PCDHA9: variants seen among roughly 807,000 people sequenced by gnomAD.
PCDHA9 encodes the protein protocadherin alpha-9.
PCDHA9 carries 62 observed loss-of-function variants against 62.0 expected under a neutral mutation model. The observed-to-expected ratio is 1.00, with a 90% CI of 0.81 to 1.23. The LOEUF is 1.23. Among genes scored for constraint, PCDHA9 ranks in the 50% most tolerant of loss-of-function variants. The pLI, the probability that PCDHA9 is intolerant of heterozygous loss-of-function variation, is 0.00. For missense variants in PCDHA9, 1,205 were observed against 1,249.8 expected (o/e 0.96, Z 0.54); for synonymous variants, 557 against 567.6 (o/e 0.98, Z 0.27).
intron 3 of PCDHA9, among the ~76,000 whole-genome samples, chr5:140,988,599 G>A (rs782117836): frequency 6.6e-6 from 1 of 152,154 alleles, no homozygotes; most frequent in Non-Finnish European, 1.5e-5. Flanking sequence ...TAATGGTCAT[G>A]TAAATAAAAG....
At chr5:140,940,271 T>C (rs1371680526) in intron 1 of PCDHA9, among the ~76,000 whole-genome samples, 1 of 152,228 alleles carries the variant, frequency 6.6e-6, no homozygotes, top group East Asian at 1.9e-4. Context: ...GGTTCCACTG[T>C]TGTCTCATTG....
chr5:140,929,085 G>A, intron 1 of PCDHA9: 1 of 1,614,174 alleles, frequency 6.2e-7, no homozygotes, highest in Non-Finnish European at 8.5e-7. Flanking sequence ...GAAGTAAGAT[G>A]GTTTCAAATC....
chr5:140,876,827 C>A, intron 1 of PCDHA9: 3 of 1,614,182 alleles, frequency 1.9e-6, no homozygotes, highest in South Asian at 1.1e-5. Context: ...AACGACAATG[C>A]GCCTGCGTTC....
intron 1 of PCDHA9, among the ~76,000 whole-genome samples, chr5:140,899,542 G>A (rs2067394532): frequency 6.6e-6 from 1 of 152,156 alleles, no homozygotes; most frequent in Non-Finnish European, 1.5e-5. Flanking sequence ...ACTTGATCAT[G>A]GTGGATAAGC....
intron 1 of PCDHA9, among the ~76,000 whole-genome samples, chr5:140,872,884 T>C (rs1057197501): frequency 2.6e-5 from 4 of 152,238 alleles, no homozygotes; most frequent in Non-Finnish European, 4.4e-5. Flanking sequence ...GTTTCATTCA[T>C]CTCACTTTGT....
At chr5:140,883,126 G>T (rs781992873) in intron 1 of PCDHA9, 1 of 1,614,036 alleles carries the variant, frequency 6.2e-7, no homozygotes, top group Non-Finnish European at 8.5e-7. Context: ...GGCCTGTATG[G>T]CCTGCAGTGG....
chr5:141,005,691 A>G (rs1481537036), intron 3 of PCDHA9, among the ~76,000 whole-genome samples: 1 of 134,408 alleles, frequency 7.4e-6, no homozygotes, highest in Non-Finnish European at 1.6e-5. Flanking sequence ...GACAGAGCGA[A>G]ACTCCGTCTC....
chr5:140,887,954 T>A (rs2061642378), intron 1 of PCDHA9, among the ~76,000 whole-genome samples: 1 of 152,240 alleles, frequency 6.6e-6, no homozygotes, highest in South Asian at 2.1e-4. Context: ...TGTATAAGAT[T>A]CTTTTTGTCT....
chr5:140,928,843 A>T (rs782153694), intron 1 of PCDHA9: 3 of 1,614,018 alleles, frequency 1.9e-6, no homozygotes, highest in Non-Finnish European at 2.5e-6. Flanking sequence ...CTCCTCTGTC[A>T]CTCTGGGTGT....
chr5:140,871,371 G>A (rs948553844), intron 1 of PCDHA9: 1 of 1,614,202 alleles, frequency 6.2e-7, no homozygotes, highest in Non-Finnish European at 8.5e-7. Context: ...GGCGGCAGAG[G>A]GTGTGCTCTG....
intron 1 of PCDHA9, among the ~76,000 whole-genome samples, chr5:140,941,248 T>TTTCTTTC (rs2092963388): frequency 1.4e-5 from 2 of 141,492 alleles, no homozygotes; most frequent in African/African-American, 5.3e-5. Context: ...TCTTTCTTTC[T>TTTCTTTC]TTCTTTCTCT....
rs1004548473 is a variant in PCDHA9 at position 141,011,507 on chromosome 5, G to T, written c.*1570G>T. Reference sequence around the variant, plus strand: ...CCTTTTGTACACCTGTGAAAAAGTGGAGTAGTGTTTTTTTAACCATTGTTA... The same window carrying T: ...CCTTTTGTACACCTGTGAAAAAGTGTAGTAGTGTTTTTTTAACCATTGTTA... On this transcript the variant is annotated 3_prime_UTR_variant, in exon 4 of 4. Transcript: ENST00000532602. 5.2e-5 allele frequency: 8 copies of T among 153,740 alleles called. No individual in the cohort carries two copies. The highest frequency in any genetic ancestry group is 1.9e-4 in the African/African-American group (8 of 41,440). The allele number at this position is 153,740 out of a possible 1,614,324, so 9.5% of individuals were successfully genotyped here. A position where few individuals can be genotyped will look rare whatever the true frequency, so the allele number is the denominator to read the frequency against.
At chr5:140,977,634 T>A (rs187884163) in intron 1 of PCDHA9, among the ~76,000 whole-genome samples, 83 of 152,298 alleles carry the variant, frequency 5.4e-4, no homozygotes, top group African/African-American at 1.9e-3. Context: ...TTGTAACTTT[T>A]TCTGGGCCTT....
intron 3 of PCDHA9, among the ~76,000 whole-genome samples, chr5:140,992,482 G>A (rs1187706188): frequency 6.6e-6 from 1 of 152,164 alleles, no homozygotes; most frequent in Non-Finnish European, 1.5e-5. Flanking sequence ...TCACCCAGAG[G>A]CCAATCTGTA....
rs1219444085 is a variant in PCDHA9 at position 141,010,861 on chromosome 5, A to G, written c.*924A>G. On this transcript the variant is annotated 3_prime_UTR_variant, in exon 4 of 4. Coordinates refer to ENST00000532602, the MANE Select transcript of PCDHA9 (RefSeq NM_031857.2). ...ATTTATTTAAAAAAAGAGAAAGTCTATAGCTATAAATCTTTAAAGAGAAAT... is the reference window on the plus strand; with the variant it reads ...ATTTATTTAAAAAAAGAGAAAGTCTGTAGCTATAAATCTTTAAAGAGAAAT... 9.1e-5 allele frequency: 14 copies of G among 153,794 alleles called. No individual in the cohort carries two copies. Among genetic ancestry groups the G allele is most frequent in the African/African-American group, 3.1e-4 (13 of 41,468 alleles). 9.5% of individuals were successfully genotyped at this position (153,794 alleles called of 1,614,324 possible).
rs1263615997 is a variant in PCDHA9 at position 140,926,760 on chromosome 5, A to ATAC, written c.2395-52188_2395-52187insACT. ...GGCGCAACGTCGGCGGTCGCTGAGT[A>ATAC]TCCAGCCCGCAGCAGTGACGGCCGG... On this transcript the variant is annotated intron_variant, in intron 1 of 3. Transcript: ENST00000532602. The ATAC allele has an allele frequency of 6.1e-6, 8 of 1,312,248 alleles. No homozygotes were observed. The African/African-American group carries it at 1.2e-4, about 20-fold the overall frequency. The allele number at this position is 1,312,248 out of a possible 1,614,324, so 81.3% of individuals were successfully genotyped here.
chr5:140,993,134 A>G (rs2097542279), intron 3 of PCDHA9, among the ~76,000 whole-genome samples: 1 of 152,238 alleles, frequency 6.6e-6, no homozygotes, highest in African/African-American at 2.4e-5. Flanking sequence ...CTTCTGTTGC[A>G]ACAAGTATAA....
intron 3 of PCDHA9, among the ~76,000 whole-genome samples, chr5:140,985,173 G>A (rs939430246): frequency 1.3e-5 from 2 of 152,154 alleles, no homozygotes; most frequent in Admixed American, 6.5e-5. Flanking sequence ...TCCTGACCTC[G>A]TAATCCGCCT....
rs545282445 is a variant in PCDHA9 at position 140,862,074 on chromosome 5, A to G, written c.2394+11185A>G. On this transcript the variant is annotated intron_variant, in intron 1 of 3. Transcript: ENST00000532602. The stretch of plus-strand genomic sequence containing the variant: ...TTTCTTTGCAACTGATGTCTCCCCT[A>G]ACATAGAAGCCCTTTTTCGCATAGA... 8.3e-5 allele frequency: 13 copies of G among 157,080 alleles called. No homozygotes were observed. The South Asian group carries it at 2.1e-3, about 26-fold the overall frequency. 9.7% of individuals were successfully genotyped at this position (157,080 alleles called of 1,614,324 possible).
Sources: allele counts gnomAD v4.1 joint callset (sites outside exome capture counted in the v4.1 genomes callset), GRCh38; gene constraint gnomAD v4.1.1; transcripts MANE v1.5; gene names NCBI Gene and HGNC (gene_info 2026-07-23, HGNC 2026-07-21).